The following TTLL11 variants were observed in gnomAD, a reference collection of about 807,000 sequenced individuals.
The protein encoded by TTLL11 is tubulin tyrosine ligase like 11.
A neutral mutation model predicts 51.7 loss-of-function variants in TTLL11; 42 were observed. The ratio of observed to expected loss-of-function variants is 0.81; its 90% CI spans 0.64 to 1.05. The LOEUF is 1.05. Ranked by LOEUF, TTLL11 falls within the 50% of genes least tolerant of loss-of-function variation. The pLI, the probability that TTLL11 is intolerant of heterozygous loss-of-function variation, is 0.00. For missense variants in TTLL11, 799 were observed against 940.4 expected, an observed-to-expected ratio of 0.85 and a Z score of 1.97; for synonymous variants, 381 against 383.5, an observed-to-expected ratio of 0.99 and a Z score of 0.08.
intron 3 of TTLL11, among the ~76,000 whole-genome samples, chr9:122,015,720 C>T (rs1241462561): frequency 2.0e-5 from 3 of 151,576 alleles, no homozygotes; most frequent in East Asian, 3.9e-4. Context: ...CGAGCCTGGC[C>T]CACCCTGTTG....
At chr9:121,903,280 G>A (rs1176513817) in intron 6 of TTLL11, among the ~76,000 whole-genome samples, 1 of 152,074 alleles carries the variant, frequency 6.6e-6, no homozygotes, top group Non-Finnish European at 1.5e-5. Flanking sequence ...TGGAGCCCGA[G>A]TCCCACTCTT....
chr9:122,057,029 T>G (rs1845305884), intron 1 of TTLL11, among the ~76,000 whole-genome samples: 1 of 152,172 alleles, frequency 6.6e-6, no homozygotes, highest in Admixed American at 6.5e-5. Context: ...GGATGTGTTC[T>G]TGGAGTGATT....
chr9:121,942,038 CA>C (rs2131582677), intron 6 of TTLL11, among the ~76,000 whole-genome samples: 1 of 152,300 alleles, frequency 6.6e-6, no homozygotes, highest in East Asian at 1.9e-4. Flanking sequence ...TTCTCCCATG[CA>C]GTCCACAGAG....
chr9:121,869,234 G>C (rs1339260430), intron 7 of TTLL11, among the ~76,000 whole-genome samples: 1 of 152,106 alleles, frequency 6.6e-6, no homozygotes, highest in African/African-American at 2.4e-5. Flanking sequence ...CAATACTTCT[G>C]TGTACCATCC....
At chr9:121,977,614 T>C (rs1460717541) in intron 4 of TTLL11, among the ~76,000 whole-genome samples, 1 of 152,200 alleles carries the variant, frequency 6.6e-6, no homozygotes, top group Non-Finnish European at 1.5e-5. Flanking sequence ...AATGGAACTA[T>C]GAATGTTACT....
At chr9:122,079,423 C>T (rs1412350516) in intron 1 of TTLL11, among the ~76,000 whole-genome samples, 1 of 151,946 alleles carries the variant, frequency 6.6e-6, no homozygotes, top group Admixed American at 6.6e-5. Flanking sequence ...AATCACCTAT[C>T]AAAACTGGCT....
chr9:122,029,495 C>T (rs1357955730), intron 3 of TTLL11, among the ~76,000 whole-genome samples: 5 of 151,758 alleles, frequency 3.3e-5, no homozygotes, highest in Admixed American at 6.6e-5. Context: ...GGTTTTCTAA[C>T]AAAAAATTCT....
At chr9:121,935,322 A>C (rs1841160976) in intron 6 of TTLL11, among the ~76,000 whole-genome samples, 1 of 152,176 alleles carries the variant, frequency 6.6e-6, no homozygotes. Context: ...GCATCACTGC[A>C]AAAGTCAATA....
At chr9:122,076,183 T>C (rs1381470098) in intron 1 of TTLL11, among the ~76,000 whole-genome samples, 1 of 152,048 alleles carries the variant, frequency 6.6e-6, no homozygotes, top group Non-Finnish European at 1.5e-5. Context: ...TCTCCTGAGG[T>C]TTATAATAGC....
intron 6 of TTLL11, among the ~76,000 whole-genome samples, chr9:121,914,493 C>A (rs1840251313): frequency 6.6e-6 from 1 of 152,220 alleles, no homozygotes; most frequent in Admixed American, 6.5e-5. Context: ...GTAGGCAGGG[C>A]CTTCTAATGA....
chr9:121,870,249 T>C (rs529832457), intron 7 of TTLL11, among the ~76,000 whole-genome samples: 1 of 152,278 alleles, frequency 6.6e-6, no homozygotes, highest in East Asian at 1.9e-4. Flanking sequence ...CAGCTCAAGG[T>C]AGGCACAGAG....
intron 1 of TTLL11, chr9:122,040,299 C>A (rs1844814734): frequency 1.0e-6 from 1 of 961,772 alleles, no homozygotes; most frequent in Non-Finnish European, 1.2e-6. Flanking sequence ...CCTGAGAATA[C>A]CTTTTTGGTC....
chr9:121,828,341 T>G (rs1160299637), intron 8 of TTLL11, among the ~76,000 whole-genome samples: 1 of 151,964 alleles, frequency 6.6e-6, no homozygotes, highest in Non-Finnish European at 1.5e-5. Context: ...CCTGGCTAAT[T>G]TTTTGTATTT....
intron 8 of TTLL11, among the ~76,000 whole-genome samples, chr9:121,824,797 T>G (rs1367562555): frequency 6.6e-6 from 1 of 152,158 alleles, no homozygotes; most frequent in Non-Finnish European, 1.5e-5. Context: ...ATCCACACCT[T>G]CCTGGTGACT....
chr9:121,993,883 G>C (rs1843179938), intron 3 of TTLL11, among the ~76,000 whole-genome samples: 1 of 152,176 alleles, frequency 6.6e-6, no homozygotes, highest in African/African-American at 2.4e-5. Context: ...CACTCAGGTG[G>C]ATTTGCATCC....
intron 8 of TTLL11, among the ~76,000 whole-genome samples, chr9:121,839,004 C>T (rs1033299152): frequency 6.6e-6 from 1 of 152,220 alleles, no homozygotes; most frequent in Non-Finnish European, 1.5e-5. Context: ...ACCTGCTCCC[C>T]GCATTCCCAC....
chr9:121,862,706 A>C (rs1288029972), intron 7 of TTLL11, among the ~76,000 whole-genome samples: 1 of 152,246 alleles, frequency 6.6e-6, no homozygotes, highest in Non-Finnish European at 1.5e-5. Flanking sequence ...AGATTTGTCC[A>C]GGGAATCCTG....
chr9:121,989,567 A>G lies in TTLL11; in HGVS notation c.897T>C (p.Arg299=), dbSNP rs758764788. The change falls in exon 4 of 9, where the codon CGT becomes CGC. Residue 299 remains arginine, a synonymous_variant. Coordinates refer to ENST00000321582, the MANE Select transcript of TTLL11 (RefSeq NM_001139442.2). The surrounding 1 kb of genome is among the most constrained non-coding windows in gnomAD (Gnocchi z 4.2). Reference sequence around the variant, plus strand: ...CTAAGGACTTGAGTAAGACATACAGACGAATATCAAACTTGAGCTTGTCGA... The same window carrying G: ...CTAAGGACTTGAGTAAGACATACAGGCGAATATCAAACTTGAGCTTGTCGA... ...LLIDKLKFDI[R]LYVLLKSLDP... 4 of 1,614,110 alleles carry G rather than the reference A, an allele frequency of 2.5e-6. No homozygotes were observed. In the East Asian group the frequency reaches 8.9e-5, roughly 36 times the overall value.
intron 1 of TTLL11, among the ~76,000 whole-genome samples, chr9:122,051,734 T>C (rs1845166350): frequency 6.6e-6 from 1 of 152,092 alleles, no homozygotes; most frequent in Non-Finnish European, 1.5e-5. Flanking sequence ...CCCCAGTCAA[T>C]GCCCCTAACC....
Sources: allele counts gnomAD v4.1 joint callset (sites outside exome capture counted in the v4.1 genomes callset), GRCh38; gene constraint gnomAD v4.1.1; non-coding constraint Gnocchi (gnomAD v3.1); transcripts MANE v1.5; gene names NCBI Gene and HGNC (gene_info 2026-07-23, HGNC 2026-07-21).